Variants in IGF1R observed in about 807,000 individuals in gnomAD.
IGF1R encodes insulin-like growth factor 1 receptor.
IGF1R carries 44 observed loss-of-function variants against 144.6 expected under a neutral mutation model. That is an observed-to-expected ratio of 0.30 (90% CI 0.24 to 0.39). IGF1R has a LOEUF of 0.39. Ranked by LOEUF, IGF1R falls within the 10% of genes least tolerant of loss-of-function variation. The pLI is 1.00. For missense variants in IGF1R, 1,355 were observed against 1,833.7 expected, an observed-to-expected ratio of 0.74 and a Z score of 4.77; for synonymous variants, 795 against 722.8, an observed-to-expected ratio of 1.10 and a Z score of -1.60.
At chr15:98,884,457 G>A (rs1174219660) in intron 2 of IGF1R, among the ~76,000 whole-genome samples, 1 of 151,826 alleles carries the variant, frequency 6.6e-6, no homozygotes, top group Non-Finnish European at 1.5e-5. Context: ...CACTTTGGGA[G>A]GCCAAGGCAG....
intron 2 of IGF1R, among the ~76,000 whole-genome samples, chr15:98,870,453 A>G (rs2012725083): frequency 6.6e-6 from 1 of 152,228 alleles, no homozygotes; most frequent in Non-Finnish European, 1.5e-5. Flanking sequence ...TCATTAAGGC[A>G]TCTCTAGGCA....
intron 1 of IGF1R, among the ~76,000 whole-genome samples, chr15:98,679,631 T>C (rs2053137918): frequency 1.3e-5 from 2 of 152,246 alleles, no homozygotes; most frequent in African/African-American, 4.8e-5. Context: ...CGGTACCTAA[T>C]ACTTGATAAT....
At chr15:98,785,119 T>A (rs780710443) in intron 2 of IGF1R, among the ~76,000 whole-genome samples, 1 of 152,228 alleles carries the variant, frequency 6.6e-6, no homozygotes, top group Non-Finnish European at 1.5e-5. Flanking sequence ...AATTTTAAAA[T>A]TCAATTTTGC....
At chr15:98,901,105 T>C (rs1046841830) in intron 5 of IGF1R, among the ~76,000 whole-genome samples, 4 of 152,252 alleles carry the variant, frequency 2.6e-5, no homozygotes, top group Middle Eastern at 3.2e-3. Context: ...ATTTATGATG[T>C]CTTTCTCATT....
intron 18 of IGF1R, among the ~76,000 whole-genome samples, chr15:98,940,724 G>C (rs1194833261): frequency 1.3e-5 from 2 of 152,192 alleles, no homozygotes; most frequent in African/African-American, 2.4e-5. Context: ...TTCTAAAGTA[G>C]GGGTGAGTGT....
chr15:98,712,695 G>T (rs781347575), intron 2 of IGF1R, among the ~76,000 whole-genome samples: 3 of 151,686 alleles, frequency 2.0e-5, no homozygotes, highest in Middle Eastern at 3.4e-3. Context: ...TGCAACCTCC[G>T]GGCTCCCAGG....
intron 19 of IGF1R, among the ~76,000 whole-genome samples, chr15:98,947,003 G>C (rs1430786950): frequency 6.6e-6 from 1 of 152,234 alleles, no homozygotes; most frequent in Non-Finnish European, 1.5e-5. Flanking sequence ...TTTCAGATGT[G>C]TGGGTACTAC....
intron 2 of IGF1R, among the ~76,000 whole-genome samples, chr15:98,762,977 C>T (rs1030918709): frequency 4.0e-5 from 6 of 148,198 alleles, no homozygotes; most frequent in Non-Finnish European, 7.4e-5. Flanking sequence ...ACCTGGGAGG[C>T]GGAAGTTGCA....
chr15:98,756,982 C>T (rs552488608), intron 2 of IGF1R, among the ~76,000 whole-genome samples: 3 of 152,248 alleles, frequency 2.0e-5, no homozygotes, highest in East Asian at 1.9e-4. Flanking sequence ...CGTTTACTTG[C>T]ATCCAAGTAC....
At chr15:98,863,016 G>T (rs2684779) in intron 2 of IGF1R, among the ~76,000 whole-genome samples, 59,354 of 151,800 alleles carry the variant, frequency 0.39, 12,753 homozygotes, top group East Asian at 0.79. Flanking sequence ...CCCTTTTTTT[G>T]GTTCCAGATC....
chr15:98,909,739 A>G (rs2014918567), intron 6 of IGF1R, among the ~76,000 whole-genome samples: 1 of 152,210 alleles, frequency 6.6e-6, no homozygotes, highest in Admixed American at 6.5e-5. Context: ...CCCCAACATG[A>G]AAAAGATGGA....
At chr15:98,770,740 C>G (rs12102174) in intron 2 of IGF1R, among the ~76,000 whole-genome samples, 27,027 of 151,968 alleles carry the variant, frequency 0.18, 2,594 homozygotes, top group South Asian at 0.31. Context: ...CAATCACTGT[C>G]TCTCAGGTCC....
rs572704651 is a variant in IGF1R at position 98,815,543 on chromosome 15, A to G, written c.641-75782A>G. Among the ~76,000 whole-genome samples the G allele has an allele frequency of 6.6e-5, 10 of 152,276 alleles. No individual in the cohort carries two copies. The South Asian group carries it at 2.1e-3, about 32-fold the overall frequency. On this transcript the variant is annotated intron_variant, in intron 2 of 20. Transcript: ENST00000650285. ...CTATGGCATCCTATTGCAATTATTTATGGAAGAAAATATTTGATGTTTTTG... is the reference window on the plus strand; with the variant it reads ...CTATGGCATCCTATTGCAATTATTTGTGGAAGAAAATATTTGATGTTTTTG...
At chr15:98,956,128 C>T (rs552651006) in intron 20 of IGF1R, among the ~76,000 whole-genome samples, 1 of 152,356 alleles carries the variant, frequency 6.6e-6, no homozygotes, top group East Asian at 1.9e-4. Flanking sequence ...GGGCAGCCGG[C>T]TTTCCTTGTC....
intron 2 of IGF1R, among the ~76,000 whole-genome samples, chr15:98,737,370 G>T (rs1252034209): frequency 6.6e-6 from 1 of 152,110 alleles, no homozygotes; most frequent in African/African-American, 2.4e-5. Flanking sequence ...TGGAGATTAG[G>T]AACCGAGCGA....
At chr15:98,956,506 C>A (rs2016991623) in intron 20 of IGF1R, among the ~76,000 whole-genome samples, 1 of 152,198 alleles carries the variant, frequency 6.6e-6, no homozygotes, top group Non-Finnish European at 1.5e-5. Context: ...GCAAGCCTGG[C>A]CTCACAGTGC....
chr15:98,761,524 T>A (rs2055294561), intron 2 of IGF1R, among the ~76,000 whole-genome samples: 1 of 152,240 alleles, frequency 6.6e-6, no homozygotes, highest in Non-Finnish European at 1.5e-5. Flanking sequence ...TGTCTGAGAC[T>A]GGCTACCTGG....
At chr15:98,669,104 G>A (rs1401912310) in intron 1 of IGF1R, among the ~76,000 whole-genome samples, 1 of 152,192 alleles carries the variant, frequency 6.6e-6, no homozygotes. Flanking sequence ...AATCAGTATC[G>A]ATCAAGCCTT....
At chr15:98,728,012 T>TTG (rs1567097474) in intron 2 of IGF1R, among the ~76,000 whole-genome samples, 3 of 149,844 alleles carry the variant, frequency 2.0e-5, no homozygotes, top group Non-Finnish European at 4.5e-5. Context: ...GCATTGTTTT[T>TTG]TTTTTTTTTT....
Sources: gnomAD v4.1 joint callset for allele counts (sites outside exome capture counted in the v4.1 genomes callset) on GRCh38, gnomAD v4.1.1 for gene constraint, MANE v1.5 for transcripts, NCBI Gene and HGNC (gene_info 2026-07-23, HGNC 2026-07-21) for gene names.